FOXD2: variants seen among roughly 807,000 people sequenced by gnomAD.
FOXD2 encodes the protein forkhead box D2, also known as forkhead box protein D2.
Under a neutral mutation model 6.4 loss-of-function variants are expected in FOXD2, and 4 were observed. The ratio of observed to expected loss-of-function variants is 0.62; its 90% CI spans 0.31 to 1.42. The LOEUF is 1.42. FOXD2 is among the 40% of genes most tolerant of loss of function. The probability of loss-of-function intolerance (pLI) is 0.08; values close to 1 mark genes in which losing one functional copy is unlikely to be tolerated. For missense variants in FOXD2, 709 were observed against 766.8 expected (o/e 0.92, Z 0.89); for synonymous variants, 393 against 373.6 (o/e 1.05, Z -0.60).
chr1:47,439,219 T>C lies in FOXD2; in HGVS notation c.1084T>C (p.Cys362Arg). The C allele has an allele frequency of 2.0e-6, 3 of 1,479,242 alleles. No individual in the cohort carries two copies. The highest frequency in any genetic ancestry group is 2.7e-6 in the Non-Finnish European group (3 of 1,126,950). The allele number at this position is 1,479,242 out of a possible 1,614,324, so 91.6% of individuals were successfully genotyped here. ...CGCCTTCCTGGGCGCGGAGCTGGGC[T>C]GCGCCAAAGCCTTCTACGCGGCGTC... ...LPAFLGAELG[C>R]AKAFYAASLS... Residue 362 changes from cysteine to arginine, a missense_variant, in exon 1 of 1, where the codon TGC becomes CGC. Physicochemically the swap from Cys to Arg is radical, Grantham distance 180. Coordinates refer to ENST00000334793, the MANE Select transcript of FOXD2 (RefSeq NM_004474.4).
Position 47,438,494 on chromosome 1 carries a change from C to T in FOXD2, c.359C>T (p.Ala120Val), listed in dbSNP as rs747572734. The T allele has an allele frequency of 1.3e-6, 2 of 1,578,402 alleles. No homozygotes were observed. Among genetic ancestry groups the T allele is most frequent in the Non-Finnish European group, 1.7e-6 (2 of 1,163,970 alleles). ...CCGGGACCGCCGTCGGGGGGCGCGGCGACGCGGAGCCCGCTGGTGAAGCCG... is the reference window on the plus strand; with the variant it reads ...CCGGGACCGCCGTCGGGGGGCGCGGTGACGCGGAGCCCGCTGGTGAAGCCG... The part of the protein sequence containing the change: ...PGPGPPSGGA[A>V]TRSPLVKPPY... Residue 120 changes from alanine (A) to valine (V), a missense_variant, in exon 1 of 1, where the codon GCG becomes GTG. Around this residue, in one of 5 missense-constraint regions of FOXD2, gnomAD observed 220 missense variants for 199.2 expected, o/e 1.10. Coordinates refer to ENST00000334793, the MANE Select transcript of FOXD2 (RefSeq NM_004474.4).
At position 47,439,038 on chromosome 1, in the gene FOXD2, C is replaced by T; in HGVS notation, c.903C>T (p.Ala301=). ...HPHAFAFAAA[A]AAAPCQLSVP... The stretch of plus-strand genomic sequence containing the variant: ...ACGCCTTCGCTTTCGCCGCGGCAGC[C>T]GCCGCCGCTCCTTGCCAGCTGTCGG... Residue 301 remains alanine, a synonymous_variant, in exon 1 of 1, where the codon GCC becomes GCT. Coordinates refer to ENST00000334793, the MANE Select transcript of FOXD2 (RefSeq NM_004474.4). 7.0e-7 allele frequency: 1 copy of T among 1,426,614 alleles called. No individual in the cohort carries two copies. The highest frequency in any genetic ancestry group is 9.2e-7 in the Non-Finnish European group (1 of 1,089,792). The allele number at this position is 1,426,614 out of a possible 1,614,324, so 88.4% of individuals were successfully genotyped here.
Position 47,438,225 on chromosome 1 carries a change from G to GGGCGGCGGC in FOXD2, c.91_99dup (p.Gly31_Gly33dup). On this transcript the variant is annotated inframe_insertion, in exon 1 of 1. Transcript: ENST00000334793. ...AGGCCGACGCAGACATAGACGTGGTGGGCGGCGGCAGCGGCGGGGGGGAGC... is the reference window on the plus strand; with the variant it reads ...AGGCCGACGCAGACATAGACGTGGTGGGCGGCGGCGGCGGCGGCAGCGGCGGGGGGGAGC... 2 of 1,419,026 alleles carry GGGCGGCGGC rather than the reference G, an allele frequency of 1.4e-6. No individual in the cohort carries two copies. The highest frequency in any genetic ancestry group is 1.8e-6 in the Non-Finnish European group (2 of 1,091,704). The allele number at this position is 1,419,026 out of a possible 1,614,324, so 87.9% of individuals were successfully genotyped here. A position where few individuals can be genotyped will look rare whatever the true frequency, so the allele number is the denominator to read the frequency against.
chr1:47,439,247 T>G lies in FOXD2; in HGVS notation c.1112T>G (p.Leu371Arg). The G allele has an allele frequency of 6.6e-7, 1 of 1,505,184 alleles. No individual in the cohort carries two copies. Among genetic ancestry groups the G allele is most frequent in the South Asian group, 1.2e-5 (1 of 80,172 alleles). The allele number at this position is 1,505,184 out of a possible 1,614,324, so 93.2% of individuals were successfully genotyped here. A position where few individuals can be genotyped will look rare whatever the true frequency, so the allele number is the denominator to read the frequency against. Reference protein sequence around the residue: ...GCAKAFYAASLSPPAAGTAAG... With the variant: ...GCAKAFYAASRSPPAAGTAAG... ...GCCAAAGCCTTCTACGCGGCGTCCC[T>G]GAGTCCTCCCGCAGCCGGCACCGCG... The change falls in exon 1 of 1, where the codon CTG becomes CGG. Residue 371 changes from leucine to arginine, a missense_variant. Coordinates refer to ENST00000334793, the MANE Select transcript of FOXD2 (RefSeq NM_004474.4).
At position 47,440,555 on chromosome 1, in the gene FOXD2, G is replaced by C. The variant is rs1013746025; in HGVS notation, c.*932G>C. 6.0e-6 allele frequency: 1 copy of C among 167,156 alleles called. No homozygotes were observed. Among genetic ancestry groups the C allele is most frequent in the South Asian group, 2.1e-4 (1 of 4,834 alleles). 10.4% of individuals were successfully genotyped at this position (167,156 alleles called of 1,614,324 possible). ...CTGCTCTCGGCGTTCTCTGTCCACT[G>C]GGTGTGCATTGATTTAAACTTCTCC... On this transcript the variant is annotated 3_prime_UTR_variant, in exon 1 of 1. Coordinates refer to ENST00000334793, the MANE Select transcript of FOXD2 (RefSeq NM_004474.4).
In FOXD2 at chr1:47,439,462, G is replaced by A. The variant is rs766151054; in HGVS notation, c.1327G>A (p.Ala443Thr). 1.3e-6 allele frequency: 2 copies of A among 1,543,262 alleles called. No homozygotes were observed. Among genetic ancestry groups the A allele is most frequent in the Non-Finnish European group, 1.7e-6 (2 of 1,147,912 alleles). ...GSPGPPFAAA[A>T]GPGGQAQVLA... ...TCCGGGACCGCCATTCGCGGCAGCC[G>A]CGGGTCCTGGGGGCCAAGCCCAGGT... The change falls in exon 1 of 1, where the codon GCG becomes ACG. Residue 443 changes from alanine to threonine, a missense_variant. Around this residue, in one of 5 missense-constraint regions of FOXD2, gnomAD observed 322 missense variants for 313.8 expected, o/e 1.03. Coordinates refer to ENST00000334793, the MANE Select transcript of FOXD2 (RefSeq NM_004474.4).
Position 47,439,801 on chromosome 1 carries a change from G to A in FOXD2, c.*178G>A, listed in dbSNP as rs2124086067. On this transcript the variant is annotated 3_prime_UTR_variant, in exon 1 of 1. Transcript: ENST00000334793. ...CTCGCAGATAGTTGGGACTAAGCGGGCTCTATCGCTCAGGGCGACAGGCCC... is the reference window on the plus strand; with the variant it reads ...CTCGCAGATAGTTGGGACTAAGCGGACTCTATCGCTCAGGGCGACAGGCCC... 3.3e-6 allele frequency: 2 copies of A among 599,384 alleles called. No individual in the cohort carries two copies. Among genetic ancestry groups the A allele is most frequent in the East Asian group, 3.3e-5 (1 of 29,980 alleles). The allele number at this position is 599,384 out of a possible 1,614,324, so 37.1% of individuals were successfully genotyped here.
At position 47,438,553 on chromosome 1, in the gene FOXD2, A is replaced by G. The variant is rs551281949; in HGVS notation, c.418A>G (p.Ile140Val). The G allele has an allele frequency of 1.2e-6, 2 of 1,613,502 alleles. No homozygotes were observed. Among genetic ancestry groups the G allele is most frequent in the East Asian group, 2.2e-5 (1 of 44,780 alleles). ...YSYIALITMA[I>V]LQSPKKRLTL... ...GTACATCGCGCTCATCACCATGGCC[A>G]TCCTGCAGAGCCCCAAGAAGCGGCT... The change falls in exon 1 of 1, where the codon ATC becomes GTC. Residue 140 changes from isoleucine to valine, a missense_variant. By Grantham distance (29) the Ile-to-Val change is conservative (BLOSUM62 3). Around this residue, in one of 5 missense-constraint regions of FOXD2, gnomAD observed 69 missense variants for 145.6 expected, o/e 0.47. Transcript: ENST00000334793.
rs948156623 is a variant in FOXD2 at position 47,439,826 on chromosome 1, C to G, written c.*203C>G. The G allele has an allele frequency of 3.6e-6, 2 of 549,190 alleles. No homozygotes were observed. The highest frequency in any genetic ancestry group is 6.4e-6 in the Non-Finnish European group (2 of 311,368). 34.0% of individuals were successfully genotyped at this position (549,190 alleles called of 1,614,324 possible). On this transcript the variant is annotated 3_prime_UTR_variant, in exon 1 of 1. Coordinates refer to ENST00000334793, the MANE Select transcript of FOXD2 (RefSeq NM_004474.4). The stretch of plus-strand genomic sequence containing the variant: ...GCTCTATCGCTCAGGGCGACAGGCC[C>G]GGGGCTACGCGAAGAAGTCGCAGGC...
chr1:47,438,428 G>T lies in FOXD2; in HGVS notation c.293G>T (p.Gly98Val). The T allele has an allele frequency of 8.9e-7, 1 of 1,118,668 alleles. No homozygotes were observed. The allele number at this position is 1,118,668 out of a possible 1,614,324, so 69.3% of individuals were successfully genotyped here. A position where few individuals can be genotyped will look rare whatever the true frequency, so the allele number is the denominator to read the frequency against. The change falls in exon 1 of 1, where the codon GGG becomes GTG. Residue 98 changes from glycine (G) to valine (V), a missense_variant. Physicochemically the swap from Gly to Val is moderately radical, Grantham distance 109 (BLOSUM62 -3). Around this residue, in one of 5 missense-constraint regions of FOXD2, gnomAD observed 220 missense variants for 199.2 expected, o/e 1.10. Transcript: ENST00000334793. ...RGAAAAAGSP[G>V]PGAAAARGAA... ...GCGGCGGCCGCAGCGGGGAGCCCGG[G>T]GCCAGGCGCCGCGGCGGCCCGCGGC...
chr1:47,439,421 G>T lies in FOXD2; in HGVS notation c.1286G>T (p.Gly429Val). The T allele has an allele frequency of 1.3e-6, 2 of 1,538,968 alleles. No homozygotes were observed. The highest frequency in any genetic ancestry group is 8.7e-7 in the Non-Finnish European group (1 of 1,149,786). The change falls in exon 1 of 1, where the codon GGC becomes GTC. Residue 429 changes from glycine (G) to valine (V), a missense_variant. Physicochemically the swap from Gly to Val is moderately radical, Grantham distance 109. Transcript: ENST00000334793. Reference sequence around the variant, plus strand: ...GGTGGCGGCGGGGCAGCACCCCCGGGCGCCGGCGAGGGCTCTCCGGGACCG... The same window carrying T: ...GGTGGCGGCGGGGCAGCACCCCCGGTCGCCGGCGAGGGCTCTCCGGGACCG... ...GHGGGGAAPP[G>V]AGEGSPGPPF... is the part of the protein sequence containing the mutation.
rs955483770 is a variant in FOXD2 at position 47,439,923 on chromosome 1, T to G, written c.*300T>G. 1 of 380,748 alleles carries G rather than the reference T, an allele frequency of 2.6e-6. No homozygotes were observed. The allele number at this position is 380,748 out of a possible 1,614,324, so 23.6% of individuals were successfully genotyped here. ...TCGTTTTTTTCCCTGCCTCTGCGCC[T>G]CTCGGGGAACACATTCCGGGAGAGA... On this transcript the variant is annotated 3_prime_UTR_variant, in exon 1 of 1. Transcript: ENST00000334793.
Position 47,438,925 on chromosome 1 carries a change from G to C in FOXD2, c.790G>C (p.Gly264Arg). Reference protein sequence around the residue: ...GAFLPGFAAYGAYGYGYGLAL... With the variant: ...GAFLPGFAAYRAYGYGYGLAL... ...TTTCCTGCCCGGCTTCGCTGCCTAC[G>C]GCGCCTACGGCTACGGCTACGGGCT... Residue 264 changes from glycine (G) to arginine (R), a missense_variant, in exon 1 of 1, where the codon GGC (glycine) becomes CGC (arginine). Physicochemically the swap from Gly to Arg is moderately radical, Grantham distance 125. Coordinates refer to ENST00000334793, the MANE Select transcript of FOXD2 (RefSeq NM_004474.4). 1 of 1,534,732 alleles carries C rather than the reference G, an allele frequency of 6.5e-7. No individual in the cohort carries two copies. The highest frequency in any genetic ancestry group is 8.8e-7 in the Non-Finnish European group (1 of 1,141,934).
chr1:47,438,493 G>A lies in FOXD2; in HGVS notation c.358G>A (p.Ala120Thr). Residue 120 changes from alanine (A) to threonine (T), a missense_variant, in exon 1 of 1, where the codon GCG becomes ACG. Physicochemically the swap from Ala to Thr is moderately conservative, Grantham distance 58 (BLOSUM62 0). This residue lies in a region of FOXD2 where 220 missense variants were observed against 199.2 expected (regional missense o/e 1.10). Coordinates refer to ENST00000334793, the MANE Select transcript of FOXD2 (RefSeq NM_004474.4). ...GCCGGGACCGCCGTCGGGGGGCGCG[G>A]CGACGCGGAGCCCGCTGGTGAAGCC... is the stretch of plus-strand genomic sequence containing the variant. Reference protein sequence around the residue: ...PGPGPPSGGAATRSPLVKPPY... With the variant: ...PGPGPPSGGATTRSPLVKPPY... 1 of 1,578,752 alleles carries A rather than the reference G, an allele frequency of 6.3e-7. No homozygotes were observed. The highest frequency in any genetic ancestry group is 8.6e-7 in the Non-Finnish European group (1 of 1,164,162).
In FOXD2 at chr1:47,439,967, G is replaced by C. The variant is rs1353870008; in HGVS notation, c.*344G>C. 3.4e-6 allele frequency: 1 copy of C among 289,972 alleles called. No homozygotes were observed. Among genetic ancestry groups the C allele is most frequent in the Admixed American group, 5.7e-5 (1 of 17,542 alleles). 18.0% of individuals were successfully genotyped at this position (289,972 alleles called of 1,614,324 possible). ...GGAGAGATGCCTGGCCAGGCTCCACGGATCCCGCCAGAAACACCAACAGAG... is the reference window on the plus strand; with the variant it reads ...GGAGAGATGCCTGGCCAGGCTCCACCGATCCCGCCAGAAACACCAACAGAG... On this transcript the variant is annotated 3_prime_UTR_variant, in exon 1 of 1. Transcript: ENST00000334793.
chr1:47,438,180 C>A lies in FOXD2; in HGVS notation c.45C>A (p.Ser15Arg). The change falls in exon 1 of 1, where the codon AGC (serine) becomes AGA (arginine). Residue 15 changes from serine to arginine, a missense_variant. Ser to Arg is a moderately radical substitution (Grantham distance 110). This residue lies in a region of FOXD2 where 220 missense variants were observed against 199.2 expected (regional missense o/e 1.10). Coordinates refer to ENST00000334793, the MANE Select transcript of FOXD2 (RefSeq NM_004474.4). ...SCCCEIMSSESSPAALSEADA... is the reference protein window; with the variant it reads ...SCCCEIMSSERSPAALSEADA... ...GCTGCGAGATCATGTCCTCCGAGAGCTCCCCGGCCGCGCTGTCCGAGGCCG... is the reference window on the plus strand; with the variant it reads ...GCTGCGAGATCATGTCCTCCGAGAGATCCCCGGCCGCGCTGTCCGAGGCCG... The A allele has an allele frequency of 6.8e-7, 1 of 1,467,100 alleles. No individual in the cohort carries two copies. Among genetic ancestry groups the A allele is most frequent in the East Asian group, 3.0e-5 (1 of 33,500 alleles). The allele number at this position is 1,467,100 out of a possible 1,614,324, so 90.9% of individuals were successfully genotyped here.
At position 47,438,128 on chromosome 1, in the gene FOXD2, G is replaced by C; in HGVS notation, c.-8G>C. 7.1e-7 allele frequency: 1 copy of C among 1,414,054 alleles called. No individual in the cohort carries two copies. Among genetic ancestry groups the C allele is most frequent in the African/African-American group, 1.5e-5 (1 of 67,012 alleles). 87.6% of individuals were successfully genotyped at this position (1,414,054 alleles called of 1,614,324 possible). ...CCGGAGAGTGGCGGCGGCGGCGGCA[G>C]CGGCACCATGACCCTGGGCAGCTGC... On this transcript the variant is annotated 5_prime_UTR_variant, in exon 1 of 1. Coordinates refer to ENST00000334793, the MANE Select transcript of FOXD2 (RefSeq NM_004474.4).
chr1:47,438,098 C>A lies in FOXD2; in HGVS notation c.-38C>A, dbSNP rs969943066. Reference sequence around the variant, plus strand: ...GGCCGAGCCCGAGCCGCTGCCGGAGCGGAGCCGGAGAGTGGCGGCGGCGGC... The same window carrying A: ...GGCCGAGCCCGAGCCGCTGCCGGAGAGGAGCCGGAGAGTGGCGGCGGCGGC... On this transcript the variant is annotated 5_prime_UTR_variant, in exon 1 of 1. Coordinates refer to ENST00000334793, the MANE Select transcript of FOXD2 (RefSeq NM_004474.4). The A allele has an allele frequency of 3.0e-6, 4 of 1,345,292 alleles. No individual in the cohort carries two copies. The African/African-American group carries it at 4.6e-5, about 16-fold the overall frequency. The allele number at this position is 1,345,292 out of a possible 1,614,324, so 83.3% of individuals were successfully genotyped here.
In FOXD2 at chr1:47,439,364, C is replaced by G; in HGVS notation, c.1229C>G (p.Pro410Arg). 1 of 1,514,830 alleles carries G rather than the reference C, an allele frequency of 6.6e-7. No individual in the cohort carries two copies. The highest frequency in any genetic ancestry group is 8.7e-7 in the Non-Finnish European group (1 of 1,145,124). The allele number at this position is 1,514,830 out of a possible 1,614,324, so 93.8% of individuals were successfully genotyped here. A position where few individuals can be genotyped will look rare whatever the true frequency, so the allele number is the denominator to read the frequency against. ...GGGGAGAGQR[P>R]SFSIDHIMGH... ...GGGGGCGCCGGGGCAGGGCAGAGGC[C>G]TTCCTTCTCTATAGACCACATCATG... The change falls in exon 1 of 1, where the codon CCT becomes CGT. Residue 410 changes from proline (P) to arginine (R), a missense_variant. Around this residue, in one of 5 missense-constraint regions of FOXD2, gnomAD observed 322 missense variants for 313.8 expected, o/e 1.03. Transcript: ENST00000334793.
Sources: allele counts gnomAD v4.1 joint callset, GRCh38; gene constraint gnomAD v4.1.1; regional missense constraint gnomAD v4.1.1; transcripts MANE v1.5; gene names NCBI Gene and HGNC (gene_info 2026-07-23, HGNC 2026-07-21).